GRIP1: variants seen among roughly 807,000 people sequenced by gnomAD.
The protein encoded by GRIP1 is glutamate receptor-interacting protein 1.
GRIP1 carries 45 observed loss-of-function variants against 129.9 expected under a neutral mutation model. The ratio of observed to expected loss-of-function variants is 0.35; its 90% CI spans 0.27 to 0.44. The LOEUF (loss-of-function observed/expected upper bound fraction) is 0.44, where lower values mean the gene tolerates loss of function less well. Among genes scored for constraint, GRIP1 ranks in the 20% least tolerant of loss-of-function variants. The pLI is 1.00. For missense variants in GRIP1, 1,196 were observed against 1,396.8 expected (o/e 0.86, Z 2.29); for synonymous variants, 530 against 520.8 (o/e 1.02, Z -0.24).
chr12:67,056,653 C>T (rs2043441272), intron 1 of GRIP1, among the ~76,000 whole-genome samples: 1 of 152,142 alleles, frequency 6.6e-6, no homozygotes, highest in Non-Finnish European at 1.5e-5. Context: ...GGAAAACTCT[C>T]CCCCAAAATT....
Position 66,617,085 on chromosome 12 carries a change from TTGTG to T in GRIP1, c.56-20162_56-20159del, listed in dbSNP as rs71436017. ...AGCAACTTGACAAGCAACAGACGTTTTGTGTGTGTGTGTGTGTGTGTGTGTGTGT... is the reference window on the plus strand; with the variant it reads ...AGCAACTTGACAAGCAACAGACGTTTTGTGTGTGTGTGTGTGTGTGTGTGT... On this transcript the variant is annotated intron_variant, in intron 1 of 24. Coordinates refer to ENST00000359742, the MANE Select transcript of GRIP1 (RefSeq NM_001366722.1). Among the ~76,000 whole-genome samples, 650 of 135,500 alleles carry T rather than the reference TTGTG, an allele frequency of 4.8e-3. 9 individuals are homozygous for T. Among genetic ancestry groups the T allele is most frequent in the East Asian group, 0.026 (119 of 4,526 alleles). 88.9% of individuals were successfully genotyped at this position (135,500 alleles called of 152,430 possible). A position where few individuals can be genotyped will look rare whatever the true frequency, so the allele number is the denominator to read the frequency against.
rs148055372 is a variant in GRIP1, at chr12:66,995,793, C to T, written c.58+73257G>A. Reference sequence around the variant, plus strand: ...TTCTTCATGAGGTTAAACACAGCTACCATATGACACTGCAATTTCACTCCT... The same window carrying T: ...TTCTTCATGAGGTTAAACACAGCTATCATATGACACTGCAATTTCACTCCT... On this transcript the variant is annotated intron_variant, in intron 1 of 1. Coordinates refer to the GRIP1 transcript ENST00000643019. 6.8e-4 allele frequency among the ~76,000 whole-genome samples: 103 copies of T among 152,164 alleles called. 1 individual carries two copies. The highest frequency in any genetic ancestry group is 6.8e-3 in the Middle Eastern group (2 of 294).
chr12:66,788,749 G>A (rs981810125), intron 1 of GRIP1, among the ~76,000 whole-genome samples: 12 of 152,004 alleles, frequency 7.9e-5, no homozygotes, highest in African/African-American at 2.9e-4. Context: ...CAGCTACGTT[G>A]GTGAGCTTAG....
intron 1 of GRIP1, among the ~76,000 whole-genome samples, chr12:66,627,511 G>A (rs958117835): frequency 1.3e-5 from 2 of 152,222 alleles, no homozygotes; most frequent in African/African-American, 4.8e-5. Flanking sequence ...TGGGGAGGGT[G>A]AGTAAGTTAC....
intron 1 of GRIP1, among the ~76,000 whole-genome samples, chr12:66,802,840 T>C (rs2038897684): frequency 6.6e-6 from 1 of 152,206 alleles, no homozygotes; most frequent in African/African-American, 2.4e-5. Flanking sequence ...AAACAAAATT[T>C]AGGAAACAGA....
At chr12:66,838,856 T>C (rs377724255) in intron 1 of GRIP1, among the ~76,000 whole-genome samples, 33 of 152,210 alleles carry the variant, frequency 2.2e-4, no homozygotes, top group South Asian at 1.0e-3. Flanking sequence ...GAGTGAAATA[T>C]TGGGGTCGGA....
At chr12:66,521,087 A>G (rs1380536083) in intron 5 of GRIP1, among the ~76,000 whole-genome samples, 1 of 152,222 alleles carries the variant, frequency 6.6e-6, no homozygotes. Flanking sequence ...TGTAATAACT[A>G]CAAGTCTAAA....
intron 1 of GRIP1, among the ~76,000 whole-genome samples, chr12:66,998,944 C>T (rs1284627764): frequency 6.6e-6 from 1 of 152,052 alleles, no homozygotes; most frequent in Non-Finnish European, 1.5e-5. Flanking sequence ...CTATAATGAT[C>T]TTCTATAATT....
chr12:66,565,085 C>CT (rs2062699888), intron 2 of GRIP1, among the ~76,000 whole-genome samples: 1 of 152,190 alleles, frequency 6.6e-6, no homozygotes. Flanking sequence ...CTGGTTCACT[C>CT]TGATGGTAGT....
chr12:66,448,979 T>C (rs2058703903), intron 11 of GRIP1, among the ~76,000 whole-genome samples: 1 of 152,220 alleles, frequency 6.6e-6, no homozygotes. Flanking sequence ...TGTGATCCCT[T>C]CATGTGCCAT....
chr12:66,838,298 G>T (rs12311739), intron 1 of GRIP1, among the ~76,000 whole-genome samples: 7 of 151,842 alleles, frequency 4.6e-5, no homozygotes, highest in African/African-American at 1.7e-4. Context: ...TCTATCATTG[G>T]GTACCATTTG....
chr12:66,602,918 A>G (rs1247381192), intron 1 of GRIP1, among the ~76,000 whole-genome samples: 1 of 122,896 alleles, frequency 8.1e-6, no homozygotes, highest in Non-Finnish European at 1.6e-5. Flanking sequence ...GAATGCAGTG[A>G]TATGATCGTG....
intron 14 of GRIP1, among the ~76,000 whole-genome samples, chr12:66,427,589 A>AT (rs2137913152): frequency 6.6e-6 from 1 of 152,314 alleles, no homozygotes; most frequent in South Asian, 2.1e-4. Flanking sequence ...CTAAAAGATA[A>AT]TATATTAACA....
intron 13 of GRIP1, among the ~76,000 whole-genome samples, chr12:66,442,177 C>T (rs2058488003): frequency 6.6e-6 from 1 of 152,210 alleles, no homozygotes; most frequent in Non-Finnish European, 1.5e-5. Flanking sequence ...GATCTAAATT[C>T]CTTACCAGAC....
chr12:66,542,360 A>G (rs1294599914), intron 2 of GRIP1, among the ~76,000 whole-genome samples: 2 of 152,336 alleles, frequency 1.3e-5, no homozygotes, highest in East Asian at 3.9e-4. Flanking sequence ...ACAGTGGCAC[A>G]CTCCAAGTTC....
chr12:66,855,078 G>A (rs117578598), intron 1 of GRIP1, among the ~76,000 whole-genome samples: 5,639 of 151,722 alleles, frequency 0.037, 111 homozygotes, highest in Middle Eastern at 0.095. Flanking sequence ...TGAGGAGTGG[G>A]GAGCTGTCTA....
At chr12:66,841,427 G>T (rs1592894951) in intron 1 of GRIP1, among the ~76,000 whole-genome samples, 1 of 152,204 alleles carries the variant, frequency 6.6e-6, no homozygotes. Flanking sequence ...GAGAGAGAGA[G>T]ATTAAGTATA....
At chr12:66,484,186 T>C (rs1322345524) in intron 7 of GRIP1, among the ~76,000 whole-genome samples, 1 of 152,248 alleles carries the variant, frequency 6.6e-6, no homozygotes, top group Non-Finnish European at 1.5e-5. Flanking sequence ...ACAGGATAAG[T>C]TAGCTTTGCT....
At chr12:66,462,259 G>C (rs956771890) in intron 9 of GRIP1, among the ~76,000 whole-genome samples, 1 of 152,142 alleles carries the variant, frequency 6.6e-6, no homozygotes, top group African/African-American at 2.4e-5. Flanking sequence ...GTAAACCAAG[G>C]CTTCATATAA....
Sources: allele counts gnomAD v4.1 joint callset (sites outside exome capture counted in the v4.1 genomes callset), GRCh38; gene constraint gnomAD v4.1.1; transcripts MANE v1.5; gene names NCBI Gene and HGNC (gene_info 2026-07-23, HGNC 2026-07-21).